The following CDK2AP2 variants were observed in gnomAD, a reference collection of about 807,000 sequenced individuals.
CDK2AP2 encodes cyclin-dependent kinase 2-associated protein 2.
CDK2AP2 carries 1 observed loss-of-function variant against 13.0 expected under a neutral mutation model. The ratio of observed to expected loss-of-function variants is 0.08; its 90% CI spans 0.03 to 0.37. The LOEUF (loss-of-function observed/expected upper bound fraction) is 0.37, where lower values mean the gene tolerates loss of function less well. Among genes scored for constraint, CDK2AP2 ranks in the 10% least tolerant of loss-of-function variants. The pLI is 0.99. For synonymous variants in CDK2AP2, 76 were observed against 73.0 expected (o/e 1.04, Z -0.21); for missense variants, 129 against 175.8 (o/e 0.73, Z 1.50).
rs1866558566 is a variant in CDK2AP2 at position 67,507,495 on chromosome 11, C to T, written c.183G>A (p.Ala61=). The stretch of plus-strand genomic sequence containing the variant: ...AGCCCTGGGCGCCGGGTGGCTTCAT[C>T]GCCTATGTCAAAAGAGAACAGGGCA... ...FGPPSMGYVQ[A]MKPPGAQGSQ... Residue 61 remains alanine (A), a splice_region_variant and synonymous_variant, in exon 3 of 4, where the codon GCG becomes GCA. Transcript: ENST00000301488. 1 of 1,613,784 alleles carries T rather than the reference C, an allele frequency of 6.2e-7. No homozygotes were observed. The highest frequency in any genetic ancestry group is 8.5e-7 in the Non-Finnish European group (1 of 1,180,038).
At position 67,506,648 on chromosome 11, in the gene CDK2AP2, A is replaced by T. The variant is rs1169262845; in HGVS notation, c.*297T>A. The T allele has an allele frequency of 2.1e-6, 1 of 466,194 alleles. No homozygotes were observed. Among genetic ancestry groups the T allele is most frequent in the African/African-American group, 2.0e-5 (1 of 49,588 alleles). The allele number at this position is 466,194 out of a possible 1,614,324, so 28.9% of individuals were successfully genotyped here. On this transcript the variant is annotated 3_prime_UTR_variant, in exon 4 of 4. Coordinates refer to ENST00000301488, the MANE Select transcript of CDK2AP2 (RefSeq NM_005851.5). ...TGGGGGAGAAGGAGGCTCGGGACAA[A>T]GTGGGAGAAGTGCTGGGAAGGGCTG...
chr11:67,506,747 C>A lies in CDK2AP2; in HGVS notation c.*198G>T. The stretch of plus-strand genomic sequence containing the variant: ...ATGGGTGGGACTCATGGGGACCTCG[C>A]TGCTAACTCTTGTTGTGGGGGGGTG... On this transcript the variant is annotated 3_prime_UTR_variant, in exon 4 of 4. Coordinates refer to ENST00000301488, the MANE Select transcript of CDK2AP2 (RefSeq NM_005851.5). 1.7e-6 allele frequency: 1 copy of A among 581,606 alleles called. No homozygotes were observed. Among genetic ancestry groups the A allele is most frequent in the Non-Finnish European group, 3.0e-6 (1 of 329,072 alleles). 36.0% of individuals were successfully genotyped at this position (581,606 alleles called of 1,614,324 possible).
chr11:67,507,105 C>T (rs970586145), intron 3 of CDK2AP2, 93 bp from the exon 4 acceptor site: 12 of 982,986 alleles, frequency 1.2e-5, no homozygotes, highest in Middle Eastern at 2.4e-4. Context: ...TTTCCACTTT[C>T]GGCAAAAGAA....
At chr11:67,507,980 G>A (rs2134351684) in intron 1 of CDK2AP2, 21 bp downstream of exon 1, 4 of 1,549,680 alleles carry the variant, frequency 2.6e-6, no homozygotes, top group Non-Finnish European at 3.5e-6. Flanking sequence ...CAGGCGAGCA[G>A]GGGTGGAGCT....
At position 67,507,477 on chromosome 11, in the gene CDK2AP2, G is replaced by A. The variant is rs1386704496; in HGVS notation, c.201C>T (p.Ala67=). 1.2e-6 allele frequency: 2 copies of A among 1,613,878 alleles called. No homozygotes were observed. Among genetic ancestry groups the A allele is most frequent in the Admixed American group, 1.7e-5 (1 of 60,028 alleles). ...CCGTGTAGGTGCTCTGGGAGCCCTG[G>A]GCGCCGGGTGGCTTCATCGCCTATG... The part of the protein sequence containing the change: ...GYVQAMKPPG[A]QGSQSTYTDL... Residue 67 remains alanine (A), a synonymous_variant, in exon 3 of 4, where the codon GCC becomes GCT. Transcript: ENST00000301488.
In CDK2AP2 at chr11:67,507,150, G is replaced by A. The variant is rs57749415; in HGVS notation, c.314-138C>T. On this transcript the variant is annotated intron_variant, in intron 3 of 3. Coordinates refer to ENST00000301488, the MANE Select transcript of CDK2AP2 (RefSeq NM_005851.5). ...TAATGACGGCTAGATGAAATTAGAG[G>A]TTTGGTTAATCCTCAAGGTTGCCCT... 0.014 allele frequency: 11,588 copies of A among 816,896 alleles called. 851 individuals carry two copies. The African/African-American group carries it at 0.17, about 12-fold the overall frequency. 50.6% of individuals were successfully genotyped at this position (816,896 alleles called of 1,614,324 possible).
chr11:67,507,280 C>T, intron 3 of CDK2AP2, 85 bp downstream of exon 3: 1 of 1,505,998 alleles, frequency 6.6e-7, no homozygotes, highest in Non-Finnish European at 9.2e-7. Flanking sequence ...AGGCTTGGCT[C>T]AGGTGGCCTC....
rs546802271 is a variant in CDK2AP2, at chr11:67,508,144, G to A, written c.-62C>T. 6.1e-5 allele frequency: 87 copies of A among 1,424,200 alleles called. No homozygotes were observed. The Middle Eastern group carries it at 7.1e-4, about 12-fold the overall frequency. 88.2% of individuals were successfully genotyped at this position (1,424,200 alleles called of 1,614,324 possible). A position where few individuals can be genotyped will look rare whatever the true frequency, so the allele number is the denominator to read the frequency against. On this transcript the variant is annotated 5_prime_UTR_variant, in exon 1 of 4. Transcript: ENST00000301488. ...CTCCTCGGGGGTTGGCTGCGGGGCC[G>A]CTCAGCCGCGCTCTGATTGGCAAGC...
chr11:67,507,231 T>C (rs1866552279), intron 3 of CDK2AP2, 134 bp downstream of exon 3: 2 of 1,094,078 alleles, frequency 1.8e-6, no homozygotes, highest in Admixed American at 2.1e-5. Flanking sequence ...TTCAATTCGA[T>C]TCAAAACACC....
At chr11:67,507,325 A>G in intron 3 of CDK2AP2, 40 bp downstream of exon 3, 1 of 1,610,998 alleles carries the variant, frequency 6.2e-7, no homozygotes, top group Admixed American at 1.7e-5. Flanking sequence ...AGGATAGTCC[A>G]GTGTCGGTTT....
intron 3 of CDK2AP2, 172 bp from the exon 4 acceptor site, chr11:67,507,184 A>G (rs907313967): frequency 1.1e-5 from 9 of 828,354 alleles, no homozygotes; most frequent in Non-Finnish European, 1.5e-5. Context: ...CTGTTGAAAT[A>G]CAAATTCCCA....
At position 67,506,840 on chromosome 11, in the gene CDK2AP2, C is replaced by T. The variant is rs1415185542; in HGVS notation, c.*105G>A. On this transcript the variant is annotated 3_prime_UTR_variant, in exon 4 of 4. Coordinates refer to ENST00000301488, the MANE Select transcript of CDK2AP2 (RefSeq NM_005851.5). ...AGGGGACCCACCAAGGGACACAGGACAGGAAGCCCAGGATGGTTAGTGCAA... is the reference window on the plus strand; with the variant it reads ...AGGGGACCCACCAAGGGACACAGGATAGGAAGCCCAGGATGGTTAGTGCAA... 1.0e-6 allele frequency: 1 copy of T among 965,918 alleles called. No homozygotes were observed. The highest frequency in any genetic ancestry group is 1.4e-5 in the South Asian group (1 of 69,318). 59.8% of individuals were successfully genotyped at this position (965,918 alleles called of 1,614,324 possible). A position where few individuals can be genotyped will look rare whatever the true frequency, so the allele number is the denominator to read the frequency against.
At chr11:67,507,264 T>A (rs1866553391) in intron 3 of CDK2AP2, 101 bp downstream of exon 3, 1 of 1,322,250 alleles carries the variant, frequency 7.6e-7, no homozygotes, top group African/African-American at 1.4e-5. Context: ...ATACTGGACA[T>A]CCTCTAGGCT....
At chr11:67,507,556 G>A in intron 2 of CDK2AP2, 36 bp downstream of exon 2, 2 of 1,613,618 alleles carry the variant, frequency 1.2e-6, no homozygotes, top group Non-Finnish European at 8.5e-7. Context: ...GGGGACTCCA[G>A]TCCGCATCCA....
chr11:67,507,993 A>G lies in CDK2AP2; in HGVS notation c.82+8T>C. The G allele has an allele frequency of 6.5e-7, 1 of 1,548,960 alleles. No homozygotes were observed. The highest frequency in any genetic ancestry group is 8.7e-7 in the Non-Finnish European group (1 of 1,146,496). ...GGCAGGCGAGCAGGGGTGGAGCTGG[A>G]TCCTCACCTGTAGGGACCGGGGTGC... On this transcript the variant is annotated splice_region_variant and intron_variant, in intron 1 of 3. Coordinates refer to ENST00000301488, the MANE Select transcript of CDK2AP2 (RefSeq NM_005851.5).
Position 67,507,900 on chromosome 11 carries a change from G to T in CDK2AP2, c.82+101C>A, listed in dbSNP as rs1052979160. On this transcript the variant is annotated intron_variant, in intron 1 of 3. Coordinates refer to ENST00000301488, the MANE Select transcript of CDK2AP2 (RefSeq NM_005851.5). ...TCACAGGCCAGCAAACTGAGGCTCA[G>T]CGAGGGTAGGCGGCAGGCCCAGTAT... The T allele has an allele frequency of 5.8e-6, 9 of 1,545,022 alleles. No individual in the cohort carries two copies. In the African/African-American group the frequency reaches 1.2e-4, roughly 21 times the overall value.
rs766624617 is a variant in CDK2AP2, at chr11:67,507,986, G to A, written c.82+15C>T. 1.3e-6 allele frequency: 2 copies of A among 1,549,450 alleles called. No individual in the cohort carries two copies. The highest frequency in any genetic ancestry group is 1.7e-6 in the Non-Finnish European group (2 of 1,146,678). On this transcript the variant is annotated intron_variant, in intron 1 of 3. Transcript: ENST00000301488. ...ACCGCCCGGCAGGCGAGCAGGGGTG[G>A]AGCTGGATCCTCACCTGTAGGGACC...
At chr11:67,507,714 G>A in intron 1 of CDK2AP2, 25 bp from the exon 2 acceptor site, 2 of 1,611,028 alleles carry the variant, frequency 1.2e-6, no homozygotes, top group Non-Finnish European at 1.7e-6. Context: ...GCGAGTAAGA[G>A]GTCAGCGCGG....
At chr11:67,507,142 A>G (rs891804760) in intron 3 of CDK2AP2, 130 bp from the exon 4 acceptor site, 3 of 831,342 alleles carry the variant, frequency 3.6e-6, no homozygotes, top group Admixed American at 5.7e-5. Context: ...GGCTAGATGA[A>G]ATTAGAGGTT....
Sources: allele counts gnomAD v4.1 joint callset, GRCh38; gene constraint gnomAD v4.1.1; transcripts MANE v1.5; gene names NCBI Gene and HGNC (gene_info 2026-07-23, HGNC 2026-07-21).